Variants in ZNF714 observed in about 807,000 individuals in gnomAD.
ZNF714 encodes the protein zinc finger protein 714.
ZNF714 carries 32 observed loss-of-function variants against 46.2 expected under a neutral mutation model. The ratio of observed to expected loss-of-function variants is 0.69; its 90% CI spans 0.52 to 0.93. The LOEUF (loss-of-function observed/expected upper bound fraction) is 0.93, where lower values mean the gene tolerates loss of function less well. Among genes scored for constraint, ZNF714 ranks in the 40% least tolerant of loss-of-function variants. The pLI, the probability that ZNF714 is intolerant of heterozygous loss-of-function variation, is 0.00. For missense variants in ZNF714, 635 were observed against 646.3 expected (o/e 0.98, Z 0.19); for synonymous variants, 199 against 213.1 (o/e 0.93, Z 0.58).
At position 21,118,186 on chromosome 19, in the gene ZNF714, G is replaced by A; in HGVS notation, c.1522G>A (p.Ala508Thr). 1.9e-6 allele frequency: 3 copies of A among 1,609,324 alleles called. No homozygotes were observed. The highest frequency in any genetic ancestry group is 2.5e-6 in the Non-Finnish European group (3 of 1,177,308). The change falls in exon 5 of 5, where the codon GCT becomes ACT. Residue 508 changes from alanine (A) to threonine (T), a missense_variant. Transcript: ENST00000456283. ...TAGGAAAATTCAGCAGGGCATGGTG[G>A]CTCATGCCTGTAATCCCAACACTTT... is the stretch of plus-strand genomic sequence containing the variant. ...KHRKIQQGMV[A>T]HACNPNTLRG...
At chr19:21,089,835 A>T (rs10415482) in intron 2 of ZNF714, among the ~76,000 whole-genome samples, 68,022 of 108,776 alleles carry the variant, frequency 0.63, 26,073 homozygotes, top group Middle Eastern at 0.88. Flanking sequence ...ATAAACAGTA[A>T]TTTTTTTTAC....
intron 4 of ZNF714, among the ~76,000 whole-genome samples, chr19:21,116,011 G>T (rs1969588730): frequency 6.7e-6 from 1 of 150,338 alleles, no homozygotes. Flanking sequence ...TAATATTTTT[G>T]ATAGAACCAT....
At chr19:21,091,869 AT>A (rs1277172365) in intron 2 of ZNF714, 4 of 152,162 alleles carry the variant, frequency 2.6e-5, no homozygotes, top group Admixed American at 2.6e-4. Context: ...AGATAGGCCT[AT>A]GCGGTTTGTG....
intron 4 of ZNF714, among the ~76,000 whole-genome samples, chr19:21,100,625 T>C (rs1234380775): frequency 6.6e-6 from 1 of 152,240 alleles, no homozygotes; most frequent in African/African-American, 2.4e-5. Flanking sequence ...GTTTTCTTTA[T>C]TGCATCAGAT....
chr19:21,110,987 A>G (rs1969438561), intron 4 of ZNF714, among the ~76,000 whole-genome samples: 2 of 152,138 alleles, frequency 1.3e-5, no homozygotes, highest in African/African-American at 4.8e-5. Context: ...TTTGGTTACT[A>G]TAGCCTTCTA....
Position 21,125,060 on chromosome 19 carries a change from G to C in ZNF714, c.*6728G>C, listed in dbSNP as rs1354792724. 6.8e-6 allele frequency: 1 copy of C among 146,958 alleles called. No homozygotes were observed. Among genetic ancestry groups the C allele is most frequent in the Non-Finnish European group, 1.5e-5 (1 of 67,318 alleles). The allele number at this position is 146,958 out of a possible 1,614,324, so 9.1% of individuals were successfully genotyped here. On this transcript the variant is annotated 3_prime_UTR_variant, in exon 5 of 5. Coordinates refer to ENST00000456283, the MANE Select transcript of ZNF714 (RefSeq NM_182515.4). Reference sequence around the variant, plus strand: ...AGTTTGAGACCAGCCTGGTCAACATGGAAAATCCCCGTCTCTACAAAAAAA... The same window carrying C: ...AGTTTGAGACCAGCCTGGTCAACATCGAAAATCCCCGTCTCTACAAAAAAA...
At position 21,117,050 on chromosome 19, in the gene ZNF714, T is replaced by C. The variant is rs1969612877; in HGVS notation, c.386T>C (p.Ile129Thr). Residue 129 changes from isoleucine to threonine, a missense_variant, in exon 5 of 5, where the codon ATT (isoleucine) becomes ACT (threonine). Ile to Thr is a moderately conservative substitution (Grantham distance 89, BLOSUM62 -1). Transcript: ENST00000456283. ...CDKYIKVFHKIFNSNRHKTRH... is the reference protein window; with the variant it reads ...CDKYIKVFHKTFNSNRHKTRH... Reference sequence around the variant, plus strand: ...AAATATATAAAAGTCTTTCATAAAATTTTCAATTCAAATAGACACAAGACA... The same window carrying C: ...AAATATATAAAAGTCTTTCATAAAACTTTCAATTCAAATAGACACAAGACA... The C allele has an allele frequency of 1.9e-6, 3 of 1,613,192 alleles. No homozygotes were observed. Among genetic ancestry groups the C allele is most frequent in the African/African-American group, 1.3e-5 (1 of 74,986 alleles).
rs962105058 is a variant in ZNF714, at chr19:21,119,579, T to C, written c.*1247T>C. The C allele has an allele frequency of 2.6e-5, 4 of 152,228 alleles. No individual in the cohort carries two copies. Among genetic ancestry groups the C allele is most frequent in the Admixed American group, 1.3e-4 (2 of 15,278 alleles). The allele number at this position is 152,228 out of a possible 1,614,324, so 9.4% of individuals were successfully genotyped here. On this transcript the variant is annotated 3_prime_UTR_variant, in exon 5 of 5. Coordinates refer to ENST00000456283, the MANE Select transcript of ZNF714 (RefSeq NM_182515.4). ...TTTGTTCAATATCAGGGAATTTATA[T>C]TGAAGAAAAATCATGCAAATGTAGT... is the stretch of plus-strand genomic sequence containing the variant.
At chr19:21,113,580 C>T (rs773904749) in intron 4 of ZNF714, among the ~76,000 whole-genome samples, 1 of 151,238 alleles carries the variant, frequency 6.6e-6, no homozygotes, top group South Asian at 2.1e-4. Flanking sequence ...AATCTTGGCT[C>T]ACTGTAACCT....
At chr19:21,106,117 T>C (rs956993336) in intron 4 of ZNF714, among the ~76,000 whole-genome samples, 7 of 151,700 alleles carry the variant, frequency 4.6e-5, no homozygotes, top group African/African-American at 1.7e-4. Flanking sequence ...TAGCTGGACA[T>C]TGTGGCATGT....
At chr19:21,097,732 C>T (rs1468901302) in intron 2 of ZNF714, among the ~76,000 whole-genome samples, 1 of 151,280 alleles carries the variant, frequency 6.6e-6, no homozygotes, top group African/African-American at 2.4e-5. Flanking sequence ...TTGCTAGTAA[C>T]CTTGTTAGAA....
Position 21,107,512 on chromosome 19 carries a change from T to TGG in ZNF714, c.142+8603_142+8604insGG, listed in dbSNP as rs1334261654. ...CCTTGGCCTCCCAAAATGCTGGGATTGCAGGTGTAAGCCACCACACCCAGC... is the reference window on the plus strand; with the variant it reads ...CCTTGGCCTCCCAAAATGCTGGGATTGGGCAGGTGTAAGCCACCACACCCAGC... On this transcript the variant is annotated intron_variant, in intron 4 of 4. Coordinates refer to ENST00000456283, the MANE Select transcript of ZNF714 (RefSeq NM_182515.4). Among the ~76,000 whole-genome samples, 432 of 150,928 alleles carry TGG rather than the reference T, an allele frequency of 2.9e-3. 21 individuals are homozygous for TGG. Among genetic ancestry groups the TGG allele is most frequent in the African/African-American group, 0.01 (405 of 40,202 alleles).
At position 21,122,023 on chromosome 19, in the gene ZNF714, T is replaced by C. The variant is rs1207852736; in HGVS notation, c.*3691T>C. On this transcript the variant is annotated 3_prime_UTR_variant, in exon 5 of 5. Coordinates refer to ENST00000456283, the MANE Select transcript of ZNF714 (RefSeq NM_182515.4). ...TTAGTGAGAGCACTCCATTTTGTTC[T>C]TTTAAGGGGAGAACAATATATAAGT... The C allele has an allele frequency of 6.6e-6, 1 of 152,208 alleles. No individual in the cohort carries two copies. The highest frequency in any genetic ancestry group is 1.5e-5 in the Non-Finnish European group (1 of 68,034). 9.4% of individuals were successfully genotyped at this position (152,208 alleles called of 1,614,324 possible). A position where few individuals can be genotyped will look rare whatever the true frequency, so the allele number is the denominator to read the frequency against.
intron 4 of ZNF714, chr19:21,113,237 GC>G (rs1969502817): frequency 6.6e-6 from 1 of 152,084 alleles, no homozygotes; most frequent in Non-Finnish European, 1.5e-5. Context: ...GGCTGTGGAT[GC>G]CAGCCTCTGA....
rs1469944469 is a variant in ZNF714, at chr19:21,123,537, A to G, written c.*5205A>G. Among the ~76,000 whole-genome samples, 1 of 151,984 alleles carries G rather than the reference A, an allele frequency of 6.6e-6. No homozygotes were observed. The highest frequency in any genetic ancestry group is 1.5e-5 in the Non-Finnish European group (1 of 68,000). On this transcript the variant is annotated 3_prime_UTR_variant, in exon 5 of 5. Coordinates refer to ENST00000456283, the MANE Select transcript of ZNF714 (RefSeq NM_182515.4). ...ACCCGTCTAATTTTTTTGTATTTTT[A>G]GTAGAGACGGGATTTCACCATGTTA...
At chr19:21,106,139 CACCTACT>C (rs1969306417) in intron 4 of ZNF714, among the ~76,000 whole-genome samples, 1 of 151,930 alleles carries the variant, frequency 6.6e-6, no homozygotes, top group Admixed American at 6.6e-5. Flanking sequence ...CCTGTAGTCC[CACCTACT>C]TGGGAACCTG....
At chr19:21,099,564 G>A (rs778024511) in intron 4 of ZNF714, among the ~76,000 whole-genome samples, 7 of 151,804 alleles carry the variant, frequency 4.6e-5, no homozygotes, top group Non-Finnish European at 7.4e-5. Context: ...TGTTCCATTA[G>A]GGGTTTCTTG....
In ZNF714 at chr19:21,120,736, T is replaced by A. The variant is rs1807686842; in HGVS notation, c.*2404T>A. 6.6e-6 allele frequency: 1 copy of A among 150,698 alleles called. No individual in the cohort carries two copies. The highest frequency in any genetic ancestry group is 1.5e-5 in the Non-Finnish European group (1 of 67,794). The allele number at this position is 150,698 out of a possible 1,614,324, so 9.3% of individuals were successfully genotyped here. A position where few individuals can be genotyped will look rare whatever the true frequency, so the allele number is the denominator to read the frequency against. On this transcript the variant is annotated 3_prime_UTR_variant, in exon 5 of 5. Transcript: ENST00000456283. ...GTAAAAGATGGTAACGATATACTAT[T>A]TAGTAACATAATGGATTAACATCTC...
intron 2 of ZNF714, among the ~76,000 whole-genome samples, chr19:21,092,396 G>C (rs1968929832): frequency 1.3e-5 from 2 of 152,298 alleles, no homozygotes; most frequent in South Asian, 2.1e-4. Flanking sequence ...CCAACCCCCA[G>C]ACAGTGAATC....
Sources: allele counts gnomAD v4.1 joint callset (sites outside exome capture counted in the v4.1 genomes callset), GRCh38; gene constraint gnomAD v4.1.1; transcripts MANE v1.5; gene names NCBI Gene and HGNC (gene_info 2026-07-23, HGNC 2026-07-21).